PSKH2: variants seen among roughly 807,000 people sequenced by gnomAD.
PSKH2 encodes protein serine kinase H2.
PSKH2 carries 16 observed loss-of-function variants against 22.5 expected under a neutral mutation model. That is an observed-to-expected ratio of 0.71 (90% CI 0.48 to 1.08). The LOEUF (loss-of-function observed/expected upper bound fraction) is 1.08, where lower values mean the gene tolerates loss of function less well. PSKH2 is among the 50% of genes least tolerant of loss of function. The pLI is 0.00. For missense variants in PSKH2, 516 were observed against 492.8 expected, an observed-to-expected ratio of 1.05 and a Z score of -0.44; for synonymous variants, 188 against 184.8, an observed-to-expected ratio of 1.02 and a Z score of -0.14.
chr8:86,050,703 G>A (rs974539233), intron 2 of PSKH2, among the ~76,000 whole-genome samples: 2 of 152,144 alleles, frequency 1.3e-5, no homozygotes, highest in Non-Finnish European at 2.9e-5. Context: ...GAAACATTGA[G>A]AAAATTGCCC....
chr8:86,068,550 C>T (rs1817896932), intron 1 of PSKH2, among the ~76,000 whole-genome samples: 1 of 152,024 alleles, frequency 6.6e-6, no homozygotes, highest in Non-Finnish European at 1.5e-5. Context: ...ATTATGCTCA[C>T]AACAGTCTTA....
At chr8:86,050,357 C>T (rs1044033281) in intron 2 of PSKH2, among the ~76,000 whole-genome samples, 4 of 152,308 alleles carry the variant, frequency 2.6e-5, no homozygotes, top group South Asian at 4.1e-4. Context: ...GTGGGCTCTA[C>T]GCTATCTAAC....
intron 2 of PSKH2, among the ~76,000 whole-genome samples, chr8:86,050,094 C>T (rs1034724592): frequency 3.9e-5 from 6 of 152,210 alleles, no homozygotes; most frequent in Non-Finnish European, 8.8e-5. Context: ...GCAGTGTTTA[C>T]AGCAATTGCA....
At chr8:86,052,840 A>C (rs1016412990) in intron 2 of PSKH2, among the ~76,000 whole-genome samples, 1 of 152,136 alleles carries the variant, frequency 6.6e-6, no homozygotes, top group African/African-American at 2.4e-5. Context: ...ATATTTGTGG[A>C]TATTTCAGGC....
At chr8:86,052,625 G>A (rs758652444) in intron 2 of PSKH2, among the ~76,000 whole-genome samples, 1 of 152,046 alleles carries the variant, frequency 6.6e-6, no homozygotes, top group Non-Finnish European at 1.5e-5. Context: ...GTTCTTTTGT[G>A]GATAGATTAA....
At chr8:86,061,828 G>A (rs995493974) in intron 2 of PSKH2, among the ~76,000 whole-genome samples, 2 of 152,152 alleles carry the variant, frequency 1.3e-5, no homozygotes, top group African/African-American at 2.4e-5. Flanking sequence ...CCAACATCAT[G>A]TGGCACAGAA....
intron 2 of PSKH2, among the ~76,000 whole-genome samples, chr8:86,051,935 G>A (rs1817636322): frequency 6.6e-6 from 1 of 152,182 alleles, no homozygotes; most frequent in Non-Finnish European, 1.5e-5. Flanking sequence ...GTATCTAGGA[G>A]TCAATTTCAC....
rs2130133984 is a variant in PSKH2, at chr8:86,047,853, A to C, written c.*609T>G. On this transcript the variant is annotated 3_prime_UTR_variant, in exon 3 of 3. Transcript: ENST00000276616. ...ATGCTAACATTAGAAAAAAATCACT[A>C]TTTTATGATTCTTAAAAATCTCTAT... Among the ~76,000 whole-genome samples the C allele has an allele frequency of 6.6e-6, 1 of 152,124 alleles. No homozygotes were observed.
chr8:86,057,313 C>T (rs12056872), intron 2 of PSKH2, among the ~76,000 whole-genome samples: 12 of 151,136 alleles, frequency 7.9e-5, no homozygotes, highest in South Asian at 2.1e-4. Context: ...CACATACACA[C>T]AAATGCATGC....
intron 1 of PSKH2, among the ~76,000 whole-genome samples, chr8:86,066,191 G>A (rs1406423776): frequency 4.1e-5 from 6 of 147,594 alleles, no homozygotes; most frequent in African/African-American, 1.5e-4. Context: ...GGATTAGAAC[G>A]CAGGTCTCCT....
At chr8:86,055,039 TA>T (rs1817681861) in intron 2 of PSKH2, among the ~76,000 whole-genome samples, 1 of 152,210 alleles carries the variant, frequency 6.6e-6, no homozygotes, top group Non-Finnish European at 1.5e-5. Flanking sequence ...CTATGCATAA[TA>T]TACATTTATT....
chr8:86,064,211 A>G lies in PSKH2; in HGVS notation c.606T>C (p.Ile202=). 1 of 1,614,114 alleles carries G rather than the reference A, an allele frequency of 6.2e-7. No homozygotes were observed. ...YHPGEESKIL[I]TDFGLAYSGK... ...CGGAGTATGCCAAACCAAAATCTGT[A>G]ATTAAAATTTTCGACTCTTCACCTG... Residue 202 remains isoleucine, a synonymous_variant, in exon 2 of 3, where the codon ATT becomes ATC. Transcript: ENST00000276616.
chr8:86,068,326 C>G (rs918253289), intron 1 of PSKH2, among the ~76,000 whole-genome samples: 1 of 152,106 alleles, frequency 6.6e-6, no homozygotes, highest in African/African-American at 2.4e-5. Context: ...TTGTGTCTCC[C>G]CAAACACACA....
At chr8:86,067,967 C>A (rs980414624) in intron 1 of PSKH2, among the ~76,000 whole-genome samples, 1 of 152,160 alleles carries the variant, frequency 6.6e-6, no homozygotes, top group South Asian at 2.1e-4. Context: ...GATGCCTTTA[C>A]ACTCTATGGG....
chr8:86,060,777 C>T (rs1219400489), intron 2 of PSKH2, among the ~76,000 whole-genome samples: 2 of 152,184 alleles, frequency 1.3e-5, no homozygotes, highest in Admixed American at 1.3e-4. Context: ...TACTTTATTA[C>T]AAGCAGTCAC....
In PSKH2 at chr8:86,047,678, T is replaced by C. The variant is rs962588716; in HGVS notation, c.*784A>G. ...TTTGAAACTTACCCCTTTATTGCAT[T>C]ACCTATAATTATTTCATGGTGAGTG... On this transcript the variant is annotated 3_prime_UTR_variant, in exon 3 of 3. Coordinates refer to ENST00000276616, the MANE Select transcript of PSKH2 (RefSeq NM_033126.3). Among the ~76,000 whole-genome samples, 2 of 152,158 alleles carry C rather than the reference T, an allele frequency of 1.3e-5. No homozygotes were observed. The highest frequency in any genetic ancestry group is 4.8e-5 in the African/African-American group (2 of 41,460).
At chr8:86,051,378 C>T (rs969220403) in intron 2 of PSKH2, among the ~76,000 whole-genome samples, 4 of 152,176 alleles carry the variant, frequency 2.6e-5, no homozygotes, top group South Asian at 4.2e-4. Flanking sequence ...GTAAACACTG[C>T]CCCCCGCCTT....
At position 86,063,935 on chromosome 8, in the gene PSKH2, C is replaced by G. The variant is rs762524018; in HGVS notation, c.852+30G>C. The G allele has an allele frequency of 1.9e-6, 3 of 1,560,522 alleles. No individual in the cohort carries two copies. The South Asian group carries it at 3.5e-5, about 18-fold the overall frequency. On this transcript the variant is annotated intron_variant, in intron 2 of 2. Coordinates refer to ENST00000276616, the MANE Select transcript of PSKH2 (RefSeq NM_033126.3). Reference sequence around the variant, plus strand: ...GTGGAGAAGCCCCACTCTAAACCAACACAATAGAAATAAAATAATGCTCTC... The same window carrying G: ...GTGGAGAAGCCCCACTCTAAACCAAGACAATAGAAATAAAATAATGCTCTC...
rs763485802 is a variant in PSKH2, at chr8:86,063,951, TA to T, written c.852+13del. 16 of 1,584,912 alleles carry T rather than the reference TA, an allele frequency of 1.0e-5. No homozygotes were observed. The highest frequency in any genetic ancestry group is 1.4e-5 in the Non-Finnish European group (16 of 1,163,916). On this transcript the variant is annotated intron_variant, in intron 2 of 2. Coordinates refer to ENST00000276616, the MANE Select transcript of PSKH2 (RefSeq NM_033126.3). ...CTAAACCAACACAATAGAAATAAAA[TA>T]ATGCTCTCTTACCTCTCCTGTATAA...
Sources: allele counts gnomAD v4.1 joint callset (sites outside exome capture counted in the v4.1 genomes callset), GRCh38; gene constraint gnomAD v4.1.1; transcripts MANE v1.5; gene names NCBI Gene and HGNC (gene_info 2026-07-23, HGNC 2026-07-21).